The following MCOLN1 variants were observed in gnomAD, a reference collection of about 807,000 sequenced individuals.
MCOLN1 encodes mucolipin TRP cation channel 1.
Under a neutral mutation model 70.3 loss-of-function variants are expected in MCOLN1, and 50 were observed. The ratio of observed to expected loss-of-function variants is 0.71; its 90% CI spans 0.57 to 0.90. MCOLN1 has a LOEUF of 0.90. Ranked by LOEUF, MCOLN1 falls within the 40% of genes least tolerant of loss-of-function variation. The pLI is 0.00. For synonymous variants in MCOLN1, 366 were observed against 341.0 expected, an observed-to-expected ratio of 1.07 and a Z score of -0.81; for missense variants, 598 against 803.5, an observed-to-expected ratio of 0.74 and a Z score of 3.09.
At position 7,528,505 on chromosome 19, in the gene MCOLN1, GC is replaced by G; in HGVS notation, c.878-87del. ...CTGACCAACCAAAACCAGCCGTGCAGCCCCCTAGGTCTCCAGCCTGGCCTGG... is the reference window on the plus strand; with the variant it reads ...CTGACCAACCAAAACCAGCCGTGCAGCCCCTAGGTCTCCAGCCTGGCCTGG... On this transcript the variant is annotated intron_variant, in intron 7 of 13. Coordinates refer to ENST00000264079, the MANE Select transcript of MCOLN1 (RefSeq NM_020533.3). This position sits in a 1 kb window ranked among gnomAD's most constrained non-coding sequence, Gnocchi z 4.2. The G allele has an allele frequency of 6.5e-7, 1 of 1,541,292 alleles. No homozygotes were observed.
intron 10 of MCOLN1, 89 bp from the exon 11 acceptor site, chr19:7,529,501 G>GGGGCCCCCCCCCC: frequency 1.3e-6 from 1 of 747,250 alleles, no homozygotes; most frequent in Non-Finnish European, 2.3e-6. Context: ...CCTCGGCAAG[G>GGGGCCCCCCCCCC]CCCCGCCCCT....
At position 7,527,543 on chromosome 19, in the gene MCOLN1, G is replaced by A. The variant is rs1281300485; in HGVS notation, c.595G>A (p.Glu199Lys). The A allele has an allele frequency of 6.4e-6, 10 of 1,556,222 alleles. No homozygotes were observed. Among genetic ancestry groups the A allele is most frequent in the African/African-American group, 2.7e-5 (2 of 73,812 alleles). The change falls in exon 5 of 14, where the codon GAG becomes AAG. Residue 199 changes from glutamate (E) to lysine (K), a missense_variant. This residue lies in a region of MCOLN1 where 461 missense variants were observed against 588.4 expected (regional missense o/e 0.78). Transcript: ENST00000264079. ...VTDCIQVDPP[E>K]RPPPPPSDDL... ...AGACTGCATCCAGGTGGATCCCCCC[G>A]AGCGGCCCCCTCCGCCCCCCAGCGA...
Position 7,528,484 on chromosome 19 carries a change from C to G in MCOLN1, c.878-113C>G. 1 of 1,417,124 alleles carries G rather than the reference C, an allele frequency of 7.1e-7. No homozygotes were observed. The highest frequency in any genetic ancestry group is 9.7e-7 in the Non-Finnish European group (1 of 1,029,528). 87.8% of individuals were successfully genotyped at this position (1,417,124 alleles called of 1,614,324 possible). On this transcript the variant is annotated intron_variant, in intron 7 of 13. Transcript: ENST00000264079. This position sits in a 1 kb window ranked among gnomAD's most constrained non-coding sequence, Gnocchi z 4.2. The stretch of plus-strand genomic sequence containing the variant: ...CCCAAGCAAGCCCTGAGCCCACTGA[C>G]CAACCAAAACCAGCCGTGCAGCCCC...
chr19:7,529,777 C>T lies in MCOLN1; in HGVS notation c.1359+65C>T, dbSNP rs956954082. 11 of 1,599,352 alleles carry T rather than the reference C, an allele frequency of 6.9e-6. No individual in the cohort carries two copies. The African/African-American group carries it at 1.5e-4, about 21-fold the overall frequency. ...ACCTTGTCATTGACACTGTGACCCCCAGATGACCCCTTGGTGACTGCTGGG... is the reference window on the plus strand; with the variant it reads ...ACCTTGTCATTGACACTGTGACCCCTAGATGACCCCTTGGTGACTGCTGGG... On this transcript the variant is annotated intron_variant, in intron 11 of 13. Transcript: ENST00000264079.
In MCOLN1 at chr19:7,529,572, C is replaced by T. The variant is rs1408927698; in HGVS notation, c.1237-18C>T. 1.3e-6 allele frequency: 2 copies of T among 1,578,776 alleles called. No individual in the cohort carries two copies. Among genetic ancestry groups the T allele is most frequent in the Admixed American group, 3.4e-5 (2 of 58,892 alleles). ...TTGTGGCCACACCCTCAACGAGGCT[C>T]CCTCTGCCCCAACCCAGATCCTCAT... On this transcript the variant is annotated intron_variant, in intron 10 of 13. Transcript: ENST00000264079.
chr19:7,532,688 G>A (rs1346991923), intron 12 of MCOLN1, among the ~76,000 whole-genome samples: 1 of 152,148 alleles, frequency 6.6e-6, no homozygotes, highest in African/African-American at 2.4e-5. Context: ...GCACTCCAAC[G>A]TGGGCGAGAG....
intron 4 of MCOLN1, 42 bp from the exon 5 acceptor site, chr19:7,527,478 T>G (rs748752794): frequency 1.2e-6 from 1 of 859,066 alleles, no homozygotes; most frequent in African/African-American, 1.7e-5. Context: ...CAGCCTGGCC[T>G]CCCCGGCCCC....
At chr19:7,529,066 T>C (rs2022615679) in intron 9 of MCOLN1, 35 bp from the exon 10 acceptor site, 3 of 1,613,610 alleles carry the variant, frequency 1.9e-6, no homozygotes, top group African/African-American at 1.3e-5. Flanking sequence ...AAGGAAGGGC[T>C]GGGCCAGATA....
rs572212758 is a variant in MCOLN1, at chr19:7,527,479, C to G, written c.572-41C>G. ...GACTCTGGGGAGACCAGCCTGGCCT[C>G]CCCGGCCCCCTGAGGCCCTTCCCTG... is the stretch of plus-strand genomic sequence containing the variant. On this transcript the variant is annotated intron_variant, in intron 4 of 13. Transcript: ENST00000264079. 1.0e-5 allele frequency: 9 copies of G among 864,008 alleles called. No individual in the cohort carries two copies. The South Asian group carries it at 1.2e-4, about 11-fold the overall frequency. 53.5% of individuals were successfully genotyped at this position (864,008 alleles called of 1,614,324 possible).
chr19:7,529,506 G>GGGGGC, intron 10 of MCOLN1, 84 bp from the exon 11 acceptor site: 13 of 280,196 alleles, frequency 4.6e-5, no homozygotes, highest in East Asian at 8.1e-5. Context: ...GCAAGGCCCC[G>GGGGGC]CCCCTCCCAC....
At chr19:7,531,993 G>T (rs1378427996) in intron 12 of MCOLN1, among the ~76,000 whole-genome samples, 1 of 152,172 alleles carries the variant, frequency 6.6e-6, no homozygotes, top group Non-Finnish European at 1.5e-5. Flanking sequence ...AGTAAAACTG[G>T]GCTCAACCCA....
Position 7,528,320 on chromosome 19 carries a change from A to C in MCOLN1, c.877+63A>C. 1.3e-6 allele frequency: 2 copies of C among 1,512,038 alleles called. No individual in the cohort carries two copies. Among genetic ancestry groups the C allele is most frequent in the South Asian group, 2.3e-5 (2 of 88,740 alleles). The allele number at this position is 1,512,038 out of a possible 1,614,324, so 93.7% of individuals were successfully genotyped here. The stretch of plus-strand genomic sequence containing the variant: ...CCCTGGCCTGTCCTGGGATTCCCCA[A>C]GCCCCAGATCAGCGCTGCCTGGGGG... On this transcript the variant is annotated intron_variant, in intron 7 of 13. Coordinates refer to ENST00000264079, the MANE Select transcript of MCOLN1 (RefSeq NM_020533.3). This position sits in a 1 kb window ranked among gnomAD's most constrained non-coding sequence, Gnocchi z 4.2.
At chr19:7,530,214 C>T in intron 11 of MCOLN1, 72 bp from the exon 12 acceptor site, 1 of 1,362,100 alleles carries the variant, frequency 7.3e-7, no homozygotes, top group African/African-American at 1.4e-5. Context: ...TTGCATGGGA[C>T]CCCAGCCTGA....
In MCOLN1 at chr19:7,528,657, T is replaced by G. The variant is rs2022608374; in HGVS notation, c.938T>G (p.Phe313Cys). 6.2e-7 allele frequency: 1 copy of G among 1,614,082 alleles called. No homozygotes were observed. Among genetic ancestry groups the G allele is most frequent in the Admixed American group, 1.7e-5 (1 of 60,002 alleles). Residue 313 changes from phenylalanine to cysteine, a missense_variant, in exon 8 of 14, where the codon TTC becomes TGC. Coordinates refer to ENST00000264079, the MANE Select transcript of MCOLN1 (RefSeq NM_020533.3). The surrounding 1 kb of genome is among the most constrained non-coding windows in gnomAD (Gnocchi z 4.2). ...GTCATCCTCACCTGCTCCCTGTCCT[T>G]CCTCCTCTGCGCCCGCTCACTCCTT... ...VVVILTCSLSFLLCARSLLRG... is the reference protein window; with the variant it reads ...VVVILTCSLSCLLCARSLLRG...
Position 7,528,695 on chromosome 19 carries a change from C to G in MCOLN1, c.976C>G (p.Leu326Val). ...CCGCTCACTCCTTCGAGGCTTCCTG[C>G]TGCAGAACGTGAGGCTTCTGCGTCA... ...CARSLLRGFL[L>V]QNEFVGFMWR... The change falls in exon 8 of 14, where the codon CTG becomes GTG. Residue 326 changes from leucine (L) to valine (V), a missense_variant. Leu to Val is a conservative substitution (Grantham distance 32). Around this residue, in one of 3 missense-constraint regions of MCOLN1, gnomAD observed 461 missense variants for 588.4 expected, o/e 0.78. Coordinates refer to ENST00000264079, the MANE Select transcript of MCOLN1 (RefSeq NM_020533.3). The surrounding 1 kb of genome is among the most constrained non-coding windows in gnomAD (Gnocchi z 4.2). The G allele has an allele frequency of 6.2e-7, 1 of 1,614,214 alleles. No individual in the cohort carries two copies. The highest frequency in any genetic ancestry group is 8.5e-7 in the Non-Finnish European group (1 of 1,180,014).
Position 7,525,507 on chromosome 19 carries a change from C to G in MCOLN1, c.237+341C>G, listed in dbSNP as rs539890408. On this transcript the variant is annotated intron_variant, in intron 2 of 13. Transcript: ENST00000264079. The surrounding 1 kb of genome is among the most constrained non-coding windows in gnomAD (Gnocchi z 4.2). ...GACTGTCTCAAAAAAAAAAAGAAGC[C>G]GACTCTGAGGCTCAGAGAGGTTAGG... The G allele has an allele frequency of 3.5e-5, 11 of 316,834 alleles. No homozygotes were observed. Among genetic ancestry groups the G allele is most frequent in the Admixed American group, 4.8e-5 (1 of 20,784 alleles). 19.6% of individuals were successfully genotyped at this position (316,834 alleles called of 1,614,324 possible). A position where few individuals can be genotyped will look rare whatever the true frequency, so the allele number is the denominator to read the frequency against.
chr19:7,529,785 C>A, intron 11 of MCOLN1, 73 bp downstream of exon 11: 3 of 1,569,916 alleles, frequency 1.9e-6, no homozygotes, highest in East Asian at 2.2e-5. Flanking sequence ...CCCAGATGAC[C>A]CCTTGGTGAC....
At position 7,528,920 on chromosome 19, in the gene MCOLN1, G is replaced by T. The variant is rs121908372; in HGVS notation, c.1084G>T (p.Asp362Tyr). 57 of 1,613,996 alleles carry T rather than the reference G, an allele frequency of 3.5e-5. No homozygotes were observed. Among genetic ancestry groups the T allele is most frequent in the Non-Finnish European group, 4.6e-5 (54 of 1,180,028 alleles). ...NGWYILLVTS[D>Y]VLTISGTIMK... ...CTGGTACATCCTGCTCGTCACCAGC[G>T]ATGTGCTCACCATCTCGGGCACCAT... Residue 362 changes from aspartate to tyrosine, a missense_variant, in exon 9 of 14, where the codon GAT becomes TAT. Coordinates refer to ENST00000264079, the MANE Select transcript of MCOLN1 (RefSeq NM_020533.3). The surrounding 1 kb of genome is among the most constrained non-coding windows in gnomAD (Gnocchi z 4.2).
chr19:7,526,035 T>C lies in MCOLN1; in HGVS notation c.238-404T>C, dbSNP rs978862587. On this transcript the variant is annotated intron_variant, in intron 2 of 13. Coordinates refer to ENST00000264079, the MANE Select transcript of MCOLN1 (RefSeq NM_020533.3). The surrounding 1 kb of genome is among the most constrained non-coding windows in gnomAD (Gnocchi z 4.6). ...TGAGATCATACCATGGCACTCCAAC[T>C]TGGGCAACAGAGTGAGACTCTGTCT... 1.3e-5 allele frequency: 4 copies of C among 310,082 alleles called. No individual in the cohort carries two copies. Among genetic ancestry groups the C allele is most frequent in the African/African-American group, 6.5e-5 (3 of 46,226 alleles). 19.2% of individuals were successfully genotyped at this position (310,082 alleles called of 1,614,324 possible). A position where few individuals can be genotyped will look rare whatever the true frequency, so the allele number is the denominator to read the frequency against.
Sources: allele counts gnomAD v4.1 joint callset (sites outside exome capture counted in the v4.1 genomes callset), GRCh38; gene constraint gnomAD v4.1.1; regional missense constraint gnomAD v4.1.1; non-coding constraint Gnocchi (gnomAD v3.1); transcripts MANE v1.5; gene names NCBI Gene and HGNC (gene_info 2026-07-23, HGNC 2026-07-21).